The following RANBP2 variants were observed in gnomAD, a reference collection of about 807,000 sequenced individuals.
RANBP2 encodes the protein RAN binding protein 2.
In RANBP2, 57 loss-of-function variants were observed where a neutral mutation model predicts 303.6. The observed-to-expected ratio is 0.19, with a 90% CI of 0.15 to 0.23. The LOEUF (loss-of-function observed/expected upper bound fraction) is 0.23. Among genes scored for constraint, RANBP2 ranks in the 10% least tolerant of loss-of-function variants. The probability of loss-of-function intolerance (pLI) is 1.00; values close to 1 mark genes in which losing one functional copy is unlikely to be tolerated. For missense variants in RANBP2, 3,138 were observed against 3,780.8 expected (o/e 0.83, Z 4.46); for synonymous variants, 1,167 against 1,301.5 (o/e 0.90, Z 2.23).
At chr2:108,813,248 CAA>C in the RANBP2 span, among the ~76,000 whole-genome samples, 7 of 63,540 alleles carry the variant, frequency 1.1e-4, no homozygotes, top group Admixed American at 1.0e-3. Context: ...GACTCCGTCT[CAA>C]AAAAAAAAAA....
the RANBP2 span, among the ~76,000 whole-genome samples, chr2:109,266,194 G>A: frequency 6.6e-6 from 1 of 151,262 alleles, no homozygotes; most frequent in Non-Finnish European, 1.5e-5. Flanking sequence ...TGTGTGTGTT[G>A]TGTGTTGTGT....
chr2:109,490,423 G>A, the RANBP2 span, among the ~76,000 whole-genome samples: 6 of 152,308 alleles, frequency 3.9e-5, no homozygotes, highest in South Asian at 2.1e-4. Context: ...TCAGGGAACT[G>A]GTGCAAGAAA....
At chr2:109,197,134 G>A in the RANBP2 span, among the ~76,000 whole-genome samples, 1 of 152,212 alleles carries the variant, frequency 6.6e-6, no homozygotes, top group African/African-American at 2.4e-5. Context: ...GTTTGAACCT[G>A]TGCAGATGGC....
At chr2:109,549,013 T>C in the RANBP2 span, among the ~76,000 whole-genome samples, 1 of 152,200 alleles carries the variant, frequency 6.6e-6, no homozygotes, top group African/African-American at 2.4e-5. Flanking sequence ...GATGCTTTTA[T>C]TCCAGAGGAT....
At chr2:109,185,996 T>C in the RANBP2 span, among the ~76,000 whole-genome samples, 1 of 152,368 alleles carries the variant, frequency 6.6e-6, no homozygotes, top group Middle Eastern at 3.4e-3. Context: ...GCACATTTCA[T>C]ACCATTCTCT....
the RANBP2 span, among the ~76,000 whole-genome samples, chr2:109,206,854 G>A: frequency 6.6e-6 from 1 of 152,196 alleles, no homozygotes; most frequent in East Asian, 1.9e-4. Flanking sequence ...TGCACTAATT[G>A]TCAAAGTTGA....
the RANBP2 span, among the ~76,000 whole-genome samples, chr2:109,039,540 A>G: frequency 6.6e-6 from 1 of 152,060 alleles, no homozygotes; most frequent in African/African-American, 2.4e-5. Flanking sequence ...TAGTAGAGTC[A>G]GGGTTTTACC....
chr2:109,443,233 G>T, the RANBP2 span, among the ~76,000 whole-genome samples: 3 of 152,244 alleles, frequency 2.0e-5, no homozygotes, highest in Non-Finnish European at 4.4e-5. Context: ...GGTTCAGAAG[G>T]ATTAAGTGGC....
At chr2:109,614,978 C>T in the RANBP2 span, 2 of 1,539,342 alleles carry the variant, frequency 1.3e-6, no homozygotes, top group Non-Finnish European at 1.7e-6. Flanking sequence ...ACGTGCAGCC[C>T]CTACCGCGGA....
At chr2:109,687,975 T>C in the RANBP2 span, among the ~76,000 whole-genome samples, 1 of 152,150 alleles carries the variant, frequency 6.6e-6, no homozygotes, top group Non-Finnish European at 1.5e-5. Flanking sequence ...CAGGAGATTT[T>C]AATGATGACA....
the RANBP2 span, among the ~76,000 whole-genome samples, chr2:109,710,120 G>A: frequency 6.6e-6 from 1 of 150,980 alleles, no homozygotes; most frequent in Non-Finnish European, 1.5e-5. Context: ...GGTCGCTCAT[G>A]CATGTAATCC....
the RANBP2 span, among the ~76,000 whole-genome samples, chr2:108,812,174 A>C: frequency 5.3e-5 from 8 of 152,266 alleles, no homozygotes; most frequent in African/African-American, 1.4e-4. Context: ...AAGACTCAAT[A>C]TTCTTCCTTT....
At chr2:108,847,529 A>G in the RANBP2 span, among the ~76,000 whole-genome samples, 2 of 152,236 alleles carry the variant, frequency 1.3e-5, no homozygotes, top group African/African-American at 2.4e-5. Context: ...TGCTTCATAT[A>G]TAATAGTGAA....
the RANBP2 span, among the ~76,000 whole-genome samples, chr2:109,341,415 G>A: frequency 6.6e-6 from 1 of 152,222 alleles, no homozygotes; most frequent in African/African-American, 2.4e-5. Flanking sequence ...TGAGTTGAAA[G>A]TGCTTTTCAA....
chr2:109,256,875 C>A, the RANBP2 span, among the ~76,000 whole-genome samples: 5 of 152,150 alleles, frequency 3.3e-5, no homozygotes, highest in Admixed American at 6.5e-5. Flanking sequence ...GACTAACCAT[C>A]AGCCTCTACC....
the RANBP2 span, among the ~76,000 whole-genome samples, chr2:108,901,792 G>C: frequency 6.6e-6 from 1 of 152,182 alleles, no homozygotes; most frequent in Non-Finnish European, 1.5e-5. Flanking sequence ...AACTATTAAG[G>C]AAGCTGAATT....
the RANBP2 span, among the ~76,000 whole-genome samples, chr2:109,473,878 G>A: frequency 2.0e-5 from 3 of 152,038 alleles, no homozygotes; most frequent in African/African-American, 4.8e-5. Flanking sequence ...CCCCTGAACC[G>A]CTCTCCTTGT....
At chr2:109,310,022 A>C in the RANBP2 span, among the ~76,000 whole-genome samples, 1 of 123,172 alleles carries the variant, frequency 8.1e-6, no homozygotes, top group African/African-American at 4.1e-5. Context: ...CTCCACCCCA[A>C]ATCAACAGAA....
chr2:108,853,977 ATATATAATATATAATAAATTTATATT>A, the RANBP2 span, among the ~76,000 whole-genome samples: 5 of 13,574 alleles, frequency 3.7e-4, no homozygotes, highest in African/African-American at 6.3e-4. Flanking sequence ...AATATATATA[ATATATAATATATAATAAATTTATATT>A]ATATATAATA....
Sources: gnomAD v4.1 joint callset for allele counts (sites outside exome capture counted in the v4.1 genomes callset) on GRCh38, gnomAD v4.1.1 for gene constraint, MANE v1.5 for transcripts, NCBI Gene and HGNC (gene_info 2026-07-23, HGNC 2026-07-21) for gene names.